The following CNBD1 variants were observed in gnomAD, a reference collection of about 807,000 sequenced individuals.
CNBD1 encodes the protein cyclic nucleotide-binding domain-containing protein 1.
A neutral mutation model predicts 54.4 loss-of-function variants in CNBD1; 71 were observed. The ratio of observed to expected loss-of-function variants is 1.30; its 90% CI spans 1.08 to 1.59. CNBD1 has a LOEUF of 1.59. Ranked by LOEUF, CNBD1 falls within the 40% of genes most tolerant of loss-of-function variation. CNBD1 has a pLI of 0.00. For synonymous variants in CNBD1, 182 were observed against 170.7 expected, an observed-to-expected ratio of 1.07 and a Z score of -0.51; for missense variants, 659 against 518.0, an observed-to-expected ratio of 1.27 and a Z score of -2.64.
At chr8:87,309,293 C>T (rs1344563593) in intron 8 of CNBD1, among the ~76,000 whole-genome samples, 4 of 152,038 alleles carry the variant, frequency 2.6e-5, no homozygotes, top group South Asian at 4.1e-4. Context: ...ATAATATAAT[C>T]GGTTTCTTCT....
intron 6 of CNBD1, among the ~76,000 whole-genome samples, chr8:87,247,161 A>G (rs1204414282): frequency 6.6e-6 from 1 of 152,180 alleles, no homozygotes; most frequent in Non-Finnish European, 1.5e-5. Flanking sequence ...GGGGATTTGA[A>G]GTTGTCTCAA....
intron 2 of CNBD1, among the ~76,000 whole-genome samples, chr8:86,901,204 T>C (rs1356787970): frequency 1.3e-5 from 2 of 152,186 alleles, no homozygotes; most frequent in East Asian, 1.9e-4. Flanking sequence ...GCATATTGTA[T>C]ATATAAAATA....
intron 4 of CNBD1, among the ~76,000 whole-genome samples, chr8:86,970,734 A>G (rs574677715): frequency 2.4e-4 from 37 of 152,244 alleles, no homozygotes; most frequent in Non-Finnish European, 4.6e-4. Context: ...GCCTTAATTC[A>G]CTTAGAATTT....
intron 4 of CNBD1, among the ~76,000 whole-genome samples, chr8:87,130,818 A>T (rs935223276): frequency 6.6e-6 from 1 of 151,694 alleles, no homozygotes; most frequent in African/African-American, 2.4e-5. Context: ...TAATTCAACT[A>T]TCCAAATATG....
chr8:87,152,381 A>G (rs1812622822), intron 4 of CNBD1, among the ~76,000 whole-genome samples: 1 of 151,946 alleles, frequency 6.6e-6, no homozygotes, highest in Admixed American at 6.6e-5. Context: ...CCACATTGGA[A>G]GAAGAATTGT....
chr8:87,115,092 C>T (rs1811741608), intron 4 of CNBD1, among the ~76,000 whole-genome samples: 1 of 152,152 alleles, frequency 6.6e-6, no homozygotes, highest in Non-Finnish European at 1.5e-5. Context: ...ATCAACTTAA[C>T]CTGCTTTACC....
intron 4 of CNBD1, among the ~76,000 whole-genome samples, chr8:87,106,093 T>G (rs1173579611): frequency 6.6e-6 from 1 of 152,344 alleles, no homozygotes; most frequent in African/African-American, 2.4e-5. Context: ...ATTTCTACTT[T>G]TAGTATTGGA....
intron 8 of CNBD1, among the ~76,000 whole-genome samples, chr8:87,323,997 G>T (rs1332625696): frequency 1.5e-5 from 2 of 132,546 alleles, no homozygotes; most frequent in African/African-American, 2.8e-5. Flanking sequence ...AATTTATTGA[G>T]AGTTTTTAGC....
chr8:86,989,485 C>T (rs1328064538), intron 4 of CNBD1, among the ~76,000 whole-genome samples: 1 of 152,052 alleles, frequency 6.6e-6, no homozygotes, highest in African/African-American at 2.4e-5. Flanking sequence ...GAGTCTCGCT[C>T]TGTTGCCCAG....
chr8:87,415,344 G>A (rs1807818040), intron 2 of CNBD1, among the ~76,000 whole-genome samples: 1 of 151,988 alleles, frequency 6.6e-6, no homozygotes, highest in South Asian at 2.1e-4. Context: ...GCTGGTCTGA[G>A]CACTTTAGAA....
chr8:87,307,748 T>TTATATATATATATATATATATATATATA (rs35262193), intron 8 of CNBD1, among the ~76,000 whole-genome samples: 6 of 138,038 alleles, frequency 4.3e-5, no homozygotes, highest in African/African-American at 1.7e-4. Flanking sequence ...AAAAAAAAAA[T>TTATATATATATATATATATATATATATA]TATATATATA....
chr8:87,308,886 C>A (rs1258436630), intron 8 of CNBD1, among the ~76,000 whole-genome samples: 3 of 152,148 alleles, frequency 2.0e-5, no homozygotes, highest in Non-Finnish European at 4.4e-5. Context: ...ATACCGACCT[C>A]TAATTTTATC....
intron 10 of CNBD1, among the ~76,000 whole-genome samples, chr8:87,365,874 C>T (rs1261916954): frequency 6.6e-6 from 1 of 151,996 alleles, no homozygotes; most frequent in Non-Finnish European, 1.5e-5. Flanking sequence ...TTTATAATGT[C>T]TCCCACATTC....
intron 8 of CNBD1, among the ~76,000 whole-genome samples, chr8:87,328,615 G>T (rs748484415): frequency 1.3e-5 from 2 of 151,690 alleles, no homozygotes; most frequent in African/African-American, 4.8e-5. Context: ...ATCAATTTTA[G>T]GATTATTTTG....
At chr8:87,010,734 A>G (rs79428666) in intron 4 of CNBD1, among the ~76,000 whole-genome samples, 4,867 of 152,214 alleles carry the variant, frequency 0.032, 245 homozygotes, top group African/African-American at 0.11. Context: ...AACAGAGCGA[A>G]ACTCTGTCTC....
Position 87,346,268 on chromosome 8 carries a change from C to T in CNBD1, c.1043-5417C>T, listed in dbSNP as rs191618477. On this transcript the variant is annotated intron_variant, in intron 8 of 10. Transcript: ENST00000518476. ...GTTGGGTAGGCTTGTCTTGAACTCC[C>T]GACCTCCAGGTGATCCGCCCACCTC... Among the ~76,000 whole-genome samples, 597 of 152,106 alleles carry T rather than the reference C, an allele frequency of 3.9e-3. 6 individuals are homozygous for T. The highest frequency in any genetic ancestry group is 0.014 in the African/African-American group (569 of 41,536).
intron 4 of CNBD1, among the ~76,000 whole-genome samples, chr8:87,162,254 G>A (rs1213710006): frequency 1.3e-5 from 2 of 152,004 alleles, no homozygotes; most frequent in Non-Finnish European, 2.9e-5. Context: ...CTCAGAATAT[G>A]TTGAAACAGA....
At chr8:87,047,222 G>A (rs1021952144) in intron 4 of CNBD1, among the ~76,000 whole-genome samples, 3 of 152,140 alleles carry the variant, frequency 2.0e-5, no homozygotes, top group African/African-American at 7.2e-5. Flanking sequence ...ACTTCACCTA[G>A]TCTAAGGATG....
chr8:87,254,217 G>A (rs1807963877), intron 6 of CNBD1, among the ~76,000 whole-genome samples: 1 of 152,042 alleles, frequency 6.6e-6, no homozygotes, highest in South Asian at 2.1e-4. Flanking sequence ...CGAAATCCTT[G>A]GAAAAGACTC....
Sources: allele counts gnomAD v4.1 joint callset (sites outside exome capture counted in the v4.1 genomes callset), GRCh38; gene constraint gnomAD v4.1.1; transcripts MANE v1.5; gene names NCBI Gene and HGNC (gene_info 2026-07-23, HGNC 2026-07-21).